Variants in GMNN observed in about 807,000 individuals in gnomAD.
GMNN encodes geminin.
A neutral mutation model predicts 20.9 loss-of-function variants in GMNN; 14 were observed. The observed-to-expected ratio is 0.67, with a 90% CI of 0.44 to 1.05. GMNN has a LOEUF of 1.05. Among genes scored for constraint, GMNN ranks in the 50% least tolerant of loss-of-function variants. The pLI, the probability that GMNN is intolerant of heterozygous loss-of-function variation, is 0.00. For missense variants in GMNN, 227 were observed against 243.8 expected (o/e 0.93, Z 0.46); for synonymous variants, 81 against 85.8 (o/e 0.94, Z 0.31).
chr6:24,784,846 G>C (rs1780307015), intron 6 of GMNN, among the ~76,000 whole-genome samples: 1 of 152,094 alleles, frequency 6.6e-6, no homozygotes, highest in African/African-American at 2.4e-5. Flanking sequence ...TGCACAGAGT[G>C]AAAGTTCAGT....
intron 1 of GMNN, among the ~76,000 whole-genome samples, chr6:24,776,263 A>T (rs912493741): frequency 6.6e-6 from 1 of 151,844 alleles, no homozygotes; most frequent in African/African-American, 2.4e-5. Context: ...ACGTCCGGCT[A>T]ATTTTTGTAT....
intron 2 of GMNN, 34 bp downstream of exon 2, chr6:24,777,331 A>T (rs1780099409): frequency 1.2e-6 from 1 of 813,394 alleles, no homozygotes; most frequent in South Asian, 1.7e-5. Context: ...TTTTTTTTGT[A>T]GAAAGCATGG....
At chr6:24,784,714 T>C (rs1780303721) in intron 6 of GMNN, among the ~76,000 whole-genome samples, 160 bp downstream of exon 6, 2 of 152,058 alleles carry the variant, frequency 1.3e-5, no homozygotes, top group African/African-American at 4.8e-5. Flanking sequence ...CTGGGTAGAG[T>C]GGGTTTATCC....
chr6:24,782,318 A>C (rs983208200), intron 4 of GMNN, among the ~76,000 whole-genome samples: 1 of 152,224 alleles, frequency 6.6e-6, no homozygotes, highest in Non-Finnish European at 1.5e-5. Flanking sequence ...TTATGCCTAT[A>C]ATAAGTACTA....
At chr6:24,779,047 G>A (rs182953515) in intron 2 of GMNN, among the ~76,000 whole-genome samples, 2 of 152,322 alleles carry the variant, frequency 1.3e-5, no homozygotes, top group Admixed American at 1.3e-4. Context: ...GGGTGGGTTA[G>A]TTAGCATTTC....
chr6:24,776,544 C>T (rs1780075526), intron 1 of GMNN, among the ~76,000 whole-genome samples: 1 of 152,148 alleles, frequency 6.6e-6, no homozygotes, highest in Non-Finnish European at 1.5e-5. Flanking sequence ...GGCATGGCCA[C>T]AAAAATTAGG....
chr6:24,777,515 A>G (rs1780104750), intron 2 of GMNN: 1 of 321,080 alleles, frequency 3.1e-6, no homozygotes, highest in South Asian at 1.1e-4. Context: ...TGGTCTTTCA[A>G]CAGTATTTTG....
intron 1 of GMNN, among the ~76,000 whole-genome samples, chr6:24,776,285 A>T (rs1482125153): frequency 6.6e-6 from 1 of 151,988 alleles, no homozygotes; most frequent in Non-Finnish European, 1.5e-5. Context: ...TTTGGTAGAG[A>T]TGGAGTTTCA....
At chr6:24,782,167 A>G (rs1780238701) in intron 4 of GMNN, among the ~76,000 whole-genome samples, 1 of 152,200 alleles carries the variant, frequency 6.6e-6, no homozygotes, top group Non-Finnish European at 1.5e-5. Flanking sequence ...AGGGGTTTAC[A>G]AGACTTGGAA....
At chr6:24,777,188 G>C (rs541320008) in intron 1 of GMNN, 34 bp from the exon 2 acceptor site, 1 of 679,112 alleles carries the variant, frequency 1.5e-6, no homozygotes. Context: ...CTCCACCTTC[G>C]GGGGTGCAAA....
intron 3 of GMNN, among the ~76,000 whole-genome samples, chr6:24,781,145 A>T (rs908861160): frequency 6.6e-6 from 1 of 152,168 alleles, no homozygotes; most frequent in African/African-American, 2.4e-5. Context: ...TGGAGGTTGC[A>T]GTGAGCCGAG....
chr6:24,777,005 T>C (rs966280017), intron 1 of GMNN: 28 of 308,700 alleles, frequency 9.1e-5, no homozygotes, highest in Non-Finnish European at 1.5e-4. Context: ...ATTAATTTCA[T>C]TTTTTCAGCT....
chr6:24,785,416 T>A (rs532944358), intron 6 of GMNN, among the ~76,000 whole-genome samples: 2 of 149,410 alleles, frequency 1.3e-5, no homozygotes, highest in East Asian at 1.9e-4. Context: ...CAGTGCTTTT[T>A]AAAAAAAAAA....
intron 2 of GMNN, chr6:24,777,634 T>C (rs1339697725): frequency 1.2e-5 from 2 of 162,108 alleles, no homozygotes; most frequent in South Asian, 1.9e-4. Flanking sequence ...TCTCATTTGG[T>C]CATTGCTACT....
At position 24,774,963 on chromosome 6, in the gene GMNN, G is replaced by T. The variant is rs1013887453; in HGVS notation, c.-307G>T. On this transcript the variant is annotated 5_prime_UTR_variant, in exon 1 of 7. Coordinates refer to ENST00000230056, the MANE Select transcript of GMNN (RefSeq NM_015895.5). ...TCAGTTGGTCACGTGGTTGTTCGGA[G>T]CGGGCGAGCGGAGTTAGCAGGGCTT... The T allele has an allele frequency of 1.3e-5, 2 of 152,308 alleles. No homozygotes were observed. The highest frequency in any genetic ancestry group is 4.8e-5 in the African/African-American group (2 of 41,476). 9.4% of individuals were successfully genotyped at this position (152,308 alleles called of 1,614,324 possible). A position where few individuals can be genotyped will look rare whatever the true frequency, so the allele number is the denominator to read the frequency against.
At chr6:24,782,417 A>C (rs960309827) in intron 4 of GMNN, among the ~76,000 whole-genome samples, 3 of 152,214 alleles carry the variant, frequency 2.0e-5, no homozygotes, top group African/African-American at 2.4e-5. Context: ...TGTATGAATT[A>C]TGGGTCATTG....
In GMNN at chr6:24,776,637, G is replaced by T. The variant is rs988134561; in HGVS notation, c.-25-585G>T. On this transcript the variant is annotated intron_variant, in intron 1 of 6. Transcript: ENST00000230056. ...GTGGGCAGTGGGCAGTGGAGCAGCA[G>T]TTCAGATGCTGAGTTTGGCCCAGTG... Among the ~76,000 whole-genome samples the T allele has an allele frequency of 2.0e-5, 3 of 152,344 alleles. No homozygotes were observed. The East Asian group carries it at 5.8e-4, about 29-fold the overall frequency.
At chr6:24,777,361 TAATTTATCCA>T (rs1339477804) in intron 2 of GMNN, 64 bp downstream of exon 2, 1 of 621,034 alleles carries the variant, frequency 1.6e-6, no homozygotes, top group Non-Finnish European at 2.8e-6. Flanking sequence ...TATTTTGACA[TAATTTATCCA>T]AATTTAGCCT....
At chr6:24,782,886 G>GA (rs60716450) in intron 4 of GMNN, among the ~76,000 whole-genome samples, 13,543 of 135,116 alleles carry the variant, frequency 0.1, 626 homozygotes, top group Middle Eastern at 0.11. Flanking sequence ...GTGTAATTTT[G>GA]AAAAAAAAAA....
Sources: gnomAD v4.1 joint callset for allele counts (sites outside exome capture counted in the v4.1 genomes callset) on GRCh38, gnomAD v4.1.1 for gene constraint, MANE v1.5 for transcripts, NCBI Gene and HGNC (gene_info 2026-07-23, HGNC 2026-07-21) for gene names.